NEMP2: variants seen among roughly 807,000 people sequenced by gnomAD.
The protein encoded by NEMP2 is nuclear envelope integral membrane protein 2.
In NEMP2, 53 loss-of-function variants were observed where a neutral mutation model predicts 54.2. The ratio of observed to expected loss-of-function variants is 0.98; its 90% CI spans 0.78 to 1.23. The LOEUF (loss-of-function observed/expected upper bound fraction) is 1.23, where lower values mean the gene tolerates loss of function less well. Ranked by LOEUF, NEMP2 falls within the 50% of genes most tolerant of loss-of-function variation. NEMP2 has a pLI of 0.00. For missense variants in NEMP2, 455 were observed against 511.3 expected (o/e 0.89, Z 1.06); for synonymous variants, 197 against 190.3 (o/e 1.04, Z -0.29).
the NEMP2 span, among the ~76,000 whole-genome samples, chr2:190,568,779 G>A: frequency 2.6e-5 from 4 of 152,104 alleles, no homozygotes; most frequent in African/African-American, 4.8e-5. The surrounding 1 kb of genome is among the most constrained non-coding windows in gnomAD (Gnocchi z 4.7). Context: ...CCGAGATTGC[G>A]CCATTGCACT....
At chr2:190,501,341 C>T (rs1340482403), downstream of NEMP2, 1 of 152,146 alleles carries the variant, frequency 6.6e-6, no homozygotes, top group South Asian at 2.1e-4. Flanking sequence ...TCAGTATATT[C>T]GTTCTCATGA....
Position 190,527,232 on chromosome 2 carries a change from T to G in NEMP2, c.98-1854A>C, listed in dbSNP as rs561813848. On this transcript the variant is annotated intron_variant, in intron 1 of 8. Transcript: ENST00000409150. The surrounding 1 kb of genome is among the most constrained non-coding windows in gnomAD (Gnocchi z 4.0). The stretch of plus-strand genomic sequence containing the variant: ...GCTAGAACAACTTGCTACACCAAAG[T>G]TGGGGAAGGACTGAGTAAACAGTAA... Among the ~76,000 whole-genome samples, 21 of 152,276 alleles carry G rather than the reference T, an allele frequency of 1.4e-4. No individual in the cohort carries two copies. The highest frequency in any genetic ancestry group is 4.3e-4 in the African/African-American group (18 of 41,556).
chr2:190,431,123 G>A, the NEMP2 span, among the ~76,000 whole-genome samples: 2 of 147,796 alleles, frequency 1.4e-5, no homozygotes, highest in Non-Finnish European at 3.0e-5. This position sits in a 1 kb window ranked among gnomAD's most constrained non-coding sequence, Gnocchi z 4.4. Context: ...CGGGGCAGAG[G>A]CGCTCCCCAC....
the NEMP2 span, among the ~76,000 whole-genome samples, chr2:190,561,675 G>A: frequency 6.6e-6 from 1 of 152,154 alleles, no homozygotes; most frequent in Non-Finnish European, 1.5e-5. The surrounding 1 kb of genome is among the most constrained non-coding windows in gnomAD (Gnocchi z 5.4). Flanking sequence ...GGGGAGGGAG[G>A]TTGGTGGGAG....
chr2:190,645,119 A>C, the NEMP2 span, among the ~76,000 whole-genome samples: 1 of 152,220 alleles, frequency 6.6e-6, no homozygotes. Flanking sequence ...TGTTTTCAAA[A>C]TTTAAAACCA....
chr2:190,609,357 C>T, the NEMP2 span: 1 of 152,016 alleles, frequency 6.6e-6, no homozygotes, highest in Non-Finnish European at 1.5e-5. This position sits in a 1 kb window ranked among gnomAD's most constrained non-coding sequence, Gnocchi z 4.7. Context: ...GGGTGATTAC[C>T]CTTATCTTGT....
the NEMP2 span, among the ~76,000 whole-genome samples, chr2:190,490,527 C>T: frequency 0.018 from 2,773 of 151,638 alleles, 41 homozygotes; most frequent in Middle Eastern, 0.031. This position sits in a 1 kb window ranked among gnomAD's most constrained non-coding sequence, Gnocchi z 4.5. Flanking sequence ...AGCACCACTG[C>T]AGTCCAGCCT....
chr2:190,645,757 ATTT>A, the NEMP2 span, among the ~76,000 whole-genome samples: 1 of 152,224 alleles, frequency 6.6e-6, no homozygotes. Context: ...TAAGAAAATT[ATTT>A]TTATTTTACT....
chr2:190,585,684 A>G, the NEMP2 span, among the ~76,000 whole-genome samples: 2 of 152,176 alleles, frequency 1.3e-5, no homozygotes, highest in African/African-American at 4.8e-5. This position sits in a 1 kb window ranked among gnomAD's most constrained non-coding sequence, Gnocchi z 5.3. Flanking sequence ...TCTCTCAGGT[A>G]TCATCTCCCT....
chr2:190,542,480 G>A, the NEMP2 span, among the ~76,000 whole-genome samples: 1 of 152,216 alleles, frequency 6.6e-6, no homozygotes, highest in African/African-American at 2.4e-5. This position sits in a 1 kb window ranked among gnomAD's most constrained non-coding sequence, Gnocchi z 4.6. Flanking sequence ...CCAAAGTGCT[G>A]GGATTACAGG....
chr2:190,518,446 C>T (rs1346364771), intron 4 of NEMP2, among the ~76,000 whole-genome samples: 3 of 152,136 alleles, frequency 2.0e-5, no homozygotes, highest in Admixed American at 1.3e-4. Flanking sequence ...TTGCTTTTCT[C>T]ATCTATAAAA....
At chr2:190,595,642 GA>G in the NEMP2 span, among the ~76,000 whole-genome samples, 3 of 151,982 alleles carry the variant, frequency 2.0e-5, no homozygotes, top group Non-Finnish European at 4.4e-5. The surrounding 1 kb of genome is among the most constrained non-coding windows in gnomAD (Gnocchi z 4.0). Context: ...CAACAAACAT[GA>G]AAAAAAGCTC....
chr2:190,575,889 A>G, the NEMP2 span, among the ~76,000 whole-genome samples: 1 of 152,172 alleles, frequency 6.6e-6, no homozygotes, highest in African/African-American at 2.4e-5. Context: ...AAGAAAAAAA[A>G]AGAAATGAAT....
chr2:190,609,750 T>C, the NEMP2 span: 1 of 152,224 alleles, frequency 6.6e-6, no homozygotes, highest in Non-Finnish European at 1.5e-5. The surrounding 1 kb of genome is among the most constrained non-coding windows in gnomAD (Gnocchi z 4.7). Flanking sequence ...TATCACAAGA[T>C]CATAGGGATA....
chr2:190,498,235 TGAGTA>T, the NEMP2 span, among the ~76,000 whole-genome samples: 1 of 152,224 alleles, frequency 6.6e-6, no homozygotes, highest in African/African-American at 2.4e-5. The surrounding 1 kb of genome is among the most constrained non-coding windows in gnomAD (Gnocchi z 5.9). Context: ...TGATCTTTCC[TGAGTA>T]AAGTTAAAGC....
the NEMP2 span, among the ~76,000 whole-genome samples, chr2:190,581,672 TA>T: frequency 6.6e-6 from 1 of 152,182 alleles, no homozygotes; most frequent in Non-Finnish European, 1.5e-5. Context: ...TTTTTTCCTA[TA>T]AAAACATAGC....
In NEMP2 at chr2:190,516,280, T is replaced by C. The variant is rs1339409522; in HGVS notation, c.717A>G (p.Ile239Met). ...DLKWLWYENR[I>M]YVLGYVLIVG... is the part of the protein sequence containing the mutation. ...TTTCTATTTACCTACCTAATACATA[T>C]ATCCTGTTTTCATACCACAGCCACT... The change falls in exon 6 of 9, where the codon ATA becomes ATG. Residue 239 changes from isoleucine (I) to methionine (M), a missense_variant. Around this residue, in one of 3 missense-constraint regions of NEMP2, gnomAD observed 294 missense variants for 333.6 expected, o/e 0.88. Coordinates refer to ENST00000409150, the MANE Select transcript of NEMP2 (RefSeq NM_001142645.2). 1.3e-6 allele frequency: 2 copies of C among 1,549,562 alleles called. No homozygotes were observed. Among genetic ancestry groups the C allele is most frequent in the Admixed American group, 2.0e-5 (1 of 50,688 alleles).
the NEMP2 span, among the ~76,000 whole-genome samples, chr2:190,479,545 G>T: frequency 6.6e-5 from 10 of 152,268 alleles, no homozygotes; most frequent in East Asian, 1.4e-3. Context: ...TTTTGATCAA[G>T]AATATAAATA....
intron 4 of NEMP2, among the ~76,000 whole-genome samples, chr2:190,517,925 C>T (rs967814127): frequency 1.3e-5 from 2 of 152,108 alleles, no homozygotes; most frequent in Admixed American, 1.3e-4. Context: ...AATTAAGGCA[C>T]CAAAAAGTTA....
Sources: allele counts gnomAD v4.1 joint callset (sites outside exome capture counted in the v4.1 genomes callset), GRCh38; gene constraint gnomAD v4.1.1; regional missense constraint gnomAD v4.1.1; non-coding constraint Gnocchi (gnomAD v3.1); transcripts MANE v1.5; gene names NCBI Gene and HGNC (gene_info 2026-07-23, HGNC 2026-07-21).